C8orf33: variants seen among roughly 807,000 people sequenced by gnomAD.
C8orf33 encodes the protein UPF0488 protein C8orf33.
Under a neutral mutation model 25.7 loss-of-function variants are expected in C8orf33, and 28 were observed. The ratio of observed to expected loss-of-function variants is 1.09; its 90% CI spans 0.81 to 1.49. The LOEUF is 1.49. Among genes scored for constraint, C8orf33 ranks in the 40% most tolerant of loss-of-function variants. The probability of loss-of-function intolerance (pLI) is 0.00; values close to 1 mark genes in which losing one functional copy is unlikely to be tolerated. For synonymous variants in C8orf33, 153 were observed against 115.9 expected (o/e 1.32, Z -2.06); for missense variants, 369 against 294.4 (o/e 1.25, Z -1.85).
chr8:145,053,133 C>T lies in C8orf33; in HGVS notation c.390C>T (p.Pro130=). The change falls in exon 3 of 5, where the codon CCC becomes CCT. Residue 130 remains proline (P), a synonymous_variant. Transcript: ENST00000331434. ...AGCTGGGCCTCAAGAGGCAGAAACC[C>T]ACCCCGAAACAGAGTAAGGGACCCT... ...QLELGLKRQK[P]TPKQKEQAIG... 6.2e-7 allele frequency: 1 copy of T among 1,614,190 alleles called. No homozygotes were observed. Among genetic ancestry groups the T allele is most frequent in the South Asian group, 1.1e-5 (1 of 91,082 alleles).
intron 4 of C8orf33, chr8:145,053,784 G>C (rs1238239417): frequency 3.3e-6 from 2 of 597,236 alleles, no homozygotes; most frequent in Non-Finnish European, 5.9e-6. Context: ...CAATTCCTGG[G>C]GCCAGATCAG....
At position 145,052,859 on chromosome 8, in the gene C8orf33, C is replaced by G. The variant is rs549849314; in HGVS notation, c.280C>G (p.Leu94Val). 21 of 1,613,680 alleles carry G rather than the reference C, an allele frequency of 1.3e-5. No individual in the cohort carries two copies. Among genetic ancestry groups the G allele is most frequent in the Admixed American group, 8.3e-5 (5 of 59,950 alleles). The change falls in exon 2 of 5, where the codon CTC becomes GTC. Residue 94 changes from leucine to valine, a missense_variant. Coordinates refer to ENST00000331434, the MANE Select transcript of C8orf33 (RefSeq NM_023080.3). ...TGGAGGCGAGAAGGCCTCAGAGAAA[C>G]TCGCCCCAGAAGAAGTTCCCCTAAG... ...ANGGEKASEK[L>V]APEEVPLSAE...
At position 145,055,934 on chromosome 8, in the gene C8orf33, A is replaced by G. The variant is rs1482949960; in HGVS notation, c.*1777A>G. ...TCCTTACCCTGCCCCTTTGTCTTAT[A>G]TCCAATAAATATCAGTGCAGCCTGG... On this transcript the variant is annotated 3_prime_UTR_variant, in exon 5 of 5. Transcript: ENST00000331434. 4 of 208,690 alleles carry G rather than the reference A, an allele frequency of 1.9e-5. No homozygotes were observed. The highest frequency in any genetic ancestry group is 3.8e-5 in the Non-Finnish European group (4 of 106,398). 12.9% of individuals were successfully genotyped at this position (208,690 alleles called of 1,614,324 possible). A position where few individuals can be genotyped will look rare whatever the true frequency, so the allele number is the denominator to read the frequency against.
rs1260897302 is a variant in C8orf33 at position 145,052,576 on chromosome 8, C to G, written c.7-10C>G. On this transcript the variant is annotated splice_polypyrimidine_tract_variant and intron_variant, in intron 1 of 4. Transcript: ENST00000331434. ...TCTCGGTGACCCTCGTGCTACCCCC[C>G]TTTCTCCAGGCCCTGGGACATCTTG... 1 of 1,603,224 alleles carries G rather than the reference C, an allele frequency of 6.2e-7. No homozygotes were observed. The highest frequency in any genetic ancestry group is 8.5e-7 in the Non-Finnish European group (1 of 1,179,506).
chr8:145,053,578 G>C, intron 4 of C8orf33, 135 bp downstream of exon 4: 1 of 871,554 alleles, frequency 1.1e-6, no homozygotes, highest in South Asian at 1.7e-5. Context: ...TGAGGGAGCA[G>C]GGAAACAGAA....
Position 145,055,246 on chromosome 8 carries a change from TGTGA to T in C8orf33, c.*1092_*1095del, listed in dbSNP as rs1319138691. On this transcript the variant is annotated 3_prime_UTR_variant, in exon 5 of 5. Transcript: ENST00000331434. ...GATCTAGATCATAGACATGATTATA[TGTGA>T]GTATCATTAATCATTAGTTTATAGC... 7.2e-5 allele frequency: 11 copies of T among 152,206 alleles called. No individual in the cohort carries two copies. The highest frequency in any genetic ancestry group is 2.0e-4 in the Admixed American group (3 of 15,286). 9.4% of individuals were successfully genotyped at this position (152,206 alleles called of 1,614,324 possible). A position where few individuals can be genotyped will look rare whatever the true frequency, so the allele number is the denominator to read the frequency against.
rs978333413 is a variant in C8orf33, at chr8:145,055,184, G to A, written c.*1027G>A. 1 of 152,090 alleles carries A rather than the reference G, an allele frequency of 6.6e-6. No individual in the cohort carries two copies. Among genetic ancestry groups the A allele is most frequent in the African/African-American group, 2.4e-5 (1 of 41,386 alleles). 9.4% of individuals were successfully genotyped at this position (152,090 alleles called of 1,614,324 possible). A position where few individuals can be genotyped will look rare whatever the true frequency, so the allele number is the denominator to read the frequency against. On this transcript the variant is annotated 3_prime_UTR_variant, in exon 5 of 5. Coordinates refer to ENST00000331434, the MANE Select transcript of C8orf33 (RefSeq NM_023080.3). ...GAGACTGAGGGCACGAGCTGTTCCA[G>A]TATAATAAAATATATAAAATAAGAA...
rs1021065056 is a variant in C8orf33, at chr8:145,054,402, A to G, written c.*245A>G. 41 of 425,144 alleles carry G rather than the reference A, an allele frequency of 9.6e-5. No individual in the cohort carries two copies. Among genetic ancestry groups the G allele is most frequent in the African/African-American group, 8.0e-4 (40 of 50,044 alleles). 26.3% of individuals were successfully genotyped at this position (425,144 alleles called of 1,614,324 possible). A position where few individuals can be genotyped will look rare whatever the true frequency, so the allele number is the denominator to read the frequency against. On this transcript the variant is annotated 3_prime_UTR_variant, in exon 5 of 5. Coordinates refer to ENST00000331434, the MANE Select transcript of C8orf33 (RefSeq NM_023080.3). ...AGAGAGGTGCATTTAGAAAATATGC[A>G]ATAAATTGAAGTGAGTGTTCAAAGT...
In C8orf33 at chr8:145,053,321, G is replaced by C. The variant is rs761826232; in HGVS notation, c.428G>C (p.Arg143Pro). Residue 143 changes from arginine to proline, a missense_variant, in exon 4 of 5, where the codon CGA becomes CCA. Transcript: ENST00000331434. ...KQKEQAIGAI[R>P]TLRSKRTPLP... is the part of the protein sequence containing the mutation. Reference sequence around the variant, plus strand: ...GAAGAGCAGGCTATTGGAGCAATCCGAACCCTGCGCAGCAAAAGAACGCCC... The same window carrying C: ...GAAGAGCAGGCTATTGGAGCAATCCCAACCCTGCGCAGCAAAAGAACGCCC... The C allele has an allele frequency of 1.9e-6, 3 of 1,614,166 alleles. No homozygotes were observed. The highest frequency in any genetic ancestry group is 2.5e-6 in the Non-Finnish European group (3 of 1,180,014).
In C8orf33 at chr8:145,052,946, C is replaced by T. The variant is rs781318269; in HGVS notation, c.318+49C>T. The T allele has an allele frequency of 7.6e-6, 12 of 1,580,790 alleles. No homozygotes were observed. In the South Asian group the frequency reaches 1.2e-4, roughly 16 times the overall value. On this transcript the variant is annotated intron_variant, in intron 2 of 4. Transcript: ENST00000331434. ...AGGGTGGAATCCACGGGTGCGAATCCACGGGCACGTGTGATCTGGGGTCCG... is the reference window on the plus strand; with the variant it reads ...AGGGTGGAATCCACGGGTGCGAATCTACGGGCACGTGTGATCTGGGGTCCG...
chr8:145,052,486 C>T lies in C8orf33; in HGVS notation c.-6C>T. Reference sequence around the variant, plus strand: ...CCCCGCGTAGTTCCGGTGGCGACTGCGGCGCATGGCGGTGAGCGGTGTGGA... The same window carrying T: ...CCCCGCGTAGTTCCGGTGGCGACTGTGGCGCATGGCGGTGAGCGGTGTGGA... On this transcript the variant is annotated 5_prime_UTR_variant, in exon 1 of 5. Transcript: ENST00000331434. 6.3e-7 allele frequency: 1 copy of T among 1,598,242 alleles called. No individual in the cohort carries two copies. The highest frequency in any genetic ancestry group is 1.7e-5 in the Admixed American group (1 of 59,818).
intron 4 of C8orf33, 94 bp downstream of exon 4, chr8:145,053,537 G>T: frequency 7.6e-7 from 1 of 1,310,964 alleles, no homozygotes; most frequent in South Asian, 1.3e-5. Flanking sequence ...CAACAAGCCT[G>T]GTGGGGGAAG....
Position 145,054,133 on chromosome 8 carries a change from A to G in C8orf33, c.666A>G (p.Glu222=). The G allele has an allele frequency of 1.9e-6, 3 of 1,613,964 alleles. No homozygotes were observed. In the Admixed American group the frequency reaches 5.0e-5, roughly 27 times the overall value. Residue 222 remains glutamate (E), a synonymous_variant, in exon 5 of 5, where the codon GAA becomes GAG. Transcript: ENST00000331434. The stretch of plus-strand genomic sequence containing the variant: ...AAGCCACTCTGGACATGCCTGATGA[A>G]GAGTTTAGGTTCAATTTCTTTTAGC... ...RAKATLDMPD[E]EFRFNFF is the part of the protein sequence containing the mutation.
rs939822061 is a variant in C8orf33 at position 145,054,279 on chromosome 8, G to A, written c.*122G>A. 4.3e-6 allele frequency: 5 copies of A among 1,155,752 alleles called. No homozygotes were observed. Among genetic ancestry groups the A allele is most frequent in the Non-Finnish European group, 6.1e-6 (5 of 821,342 alleles). The allele number at this position is 1,155,752 out of a possible 1,614,324, so 71.6% of individuals were successfully genotyped here. ...CCTGGAGTTGGTCTGTCCCTGGCTG[G>A]TCCAAGGATTTGTAGCTGTTGTGAA... On this transcript the variant is annotated 3_prime_UTR_variant, in exon 5 of 5. Transcript: ENST00000331434.
Position 145,052,576 on chromosome 8 carries a change from C to T in C8orf33, c.7-10C>T. On this transcript the variant is annotated splice_polypyrimidine_tract_variant and intron_variant, in intron 1 of 4. Coordinates refer to ENST00000331434, the MANE Select transcript of C8orf33 (RefSeq NM_023080.3). ...TCTCGGTGACCCTCGTGCTACCCCC[C>T]TTTCTCCAGGCCCTGGGACATCTTG... is the stretch of plus-strand genomic sequence containing the variant. 1 of 1,603,344 alleles carries T rather than the reference C, an allele frequency of 6.2e-7. No homozygotes were observed. Among genetic ancestry groups the T allele is most frequent in the Non-Finnish European group, 8.5e-7 (1 of 1,179,498 alleles).
rs2129703102 is a variant in C8orf33 at position 145,055,813 on chromosome 8, C to G, written c.*1656C>G. 1 of 154,748 alleles carries G rather than the reference C, an allele frequency of 6.5e-6. No homozygotes were observed. The highest frequency in any genetic ancestry group is 1.9e-4 in the East Asian group (1 of 5,330). 9.6% of individuals were successfully genotyped at this position (154,748 alleles called of 1,614,324 possible). A position where few individuals can be genotyped will look rare whatever the true frequency, so the allele number is the denominator to read the frequency against. On this transcript the variant is annotated 3_prime_UTR_variant, in exon 5 of 5. Coordinates refer to ENST00000331434, the MANE Select transcript of C8orf33 (RefSeq NM_023080.3). ...GGCATAAGCTGTCTCTCTCTCTTCT[C>G]TCTCTCTCTGCCTCTGCTGCCAGGC... is the stretch of plus-strand genomic sequence containing the variant.
At chr8:145,053,180 A>G in intron 3 of C8orf33, 34 bp downstream of exon 3, 1 of 1,613,944 alleles carries the variant, frequency 6.2e-7, no homozygotes, top group Non-Finnish European at 8.5e-7. Context: ...GGGGGATGTG[A>G]ACAGTGGCAC....
chr8:145,053,679 T>C, intron 4 of C8orf33: 1 of 591,644 alleles, frequency 1.7e-6, no homozygotes, highest in East Asian at 2.9e-5. Context: ...GGTCCTATGT[T>C]GGTCCTGCTC....
intron 2 of C8orf33, 59 bp downstream of exon 2, chr8:145,052,956 T>G: frequency 6.2e-7 from 1 of 1,600,500 alleles, no homozygotes; most frequent in South Asian, 1.1e-5. Flanking sequence ...CACGGGCACG[T>G]GTGATCTGGG....
Sources: gnomAD v4.1 joint callset for allele counts on GRCh38, gnomAD v4.1.1 for gene constraint, MANE v1.5 for transcripts, NCBI Gene and HGNC (gene_info 2026-07-23, HGNC 2026-07-21) for gene names.